The following GGA2 variants were observed in gnomAD, a reference collection of about 807,000 sequenced individuals.
GGA2 encodes the protein golgi associated, gamma adaptin ear containing, ARF binding protein 2.
GGA2 carries 48 observed loss-of-function variants against 79.5 expected under a neutral mutation model. That is an observed-to-expected ratio of 0.60 (90% CI 0.48 to 0.77). The LOEUF (loss-of-function observed/expected upper bound fraction) is 0.77. GGA2 is among the 30% of genes least tolerant of loss of function. GGA2 has a pLI of 0.00. For synonymous variants in GGA2, 317 were observed against 302.0 expected (o/e 1.05, Z -0.51); for missense variants, 770 against 774.0 (o/e 0.99, Z 0.06).
intron 1 of GGA2, among the ~76,000 whole-genome samples, chr16:23,497,682 C>A (rs1964873645): frequency 6.6e-6 from 1 of 152,322 alleles, no homozygotes; most frequent in African/African-American, 2.4e-5. Context: ...CTAAAGACTT[C>A]TCTGACCTTT....
intron 1 of GGA2, among the ~76,000 whole-genome samples, chr16:23,509,814 AAC>A (rs1430447792): frequency 2.0e-5 from 3 of 151,216 alleles, no homozygotes; most frequent in Non-Finnish European, 2.9e-5. Context: ...GGCCAAAGTA[AAC>A]ACAAAAGGTA....
chr16:23,486,866 G>C (rs915604597), intron 6 of GGA2, 76 bp from the exon 7 acceptor site: 3 of 848,270 alleles, frequency 3.5e-6, no homozygotes, highest in Non-Finnish European at 6.2e-6. Context: ...AGCAACAGAA[G>C]AGTTAACACT....
intron 3 of GGA2, chr16:23,493,925 T>C (rs968534768): frequency 3.3e-5 from 10 of 303,228 alleles, no homozygotes; most frequent in Admixed American, 9.2e-5. Context: ...CACTCAAACA[T>C]ATACAAAGAC....
At chr16:23,505,421 A>G (rs1964964292) in intron 1 of GGA2, among the ~76,000 whole-genome samples, 1 of 152,148 alleles carries the variant, frequency 6.6e-6, no homozygotes, top group Admixed American at 6.5e-5. Flanking sequence ...ACACCCATAC[A>G]ACGGGGCGTC....
chr16:23,496,403 C>T (rs898066800), intron 1 of GGA2, among the ~76,000 whole-genome samples: 2 of 151,940 alleles, frequency 1.3e-5, no homozygotes, highest in African/African-American at 4.8e-5. Flanking sequence ...GCTTCACACT[C>T]GAGTTGGGAT....
chr16:23,509,393 G>A (rs776489445), intron 1 of GGA2, among the ~76,000 whole-genome samples: 5 of 152,108 alleles, frequency 3.3e-5, no homozygotes, highest in Non-Finnish European at 5.9e-5. Flanking sequence ...ACGACCCCCA[G>A]GTAAACCAAC....
chr16:23,472,975 G>A (rs1212128678), intron 14 of GGA2, among the ~76,000 whole-genome samples: 2 of 146,910 alleles, frequency 1.4e-5, no homozygotes, highest in African/African-American at 5.0e-5. Context: ...GAAGCTTGCA[G>A]TGAGCCGAGA....
chr16:23,470,297 C>G, intron 14 of GGA2, 132 bp from the exon 15 acceptor site: 1 of 604,158 alleles, frequency 1.7e-6, no homozygotes, highest in South Asian at 2.7e-5. Context: ...GGACTGAATT[C>G]CTCTGCACTA....
chr16:23,524,282 C>A, upstream of GGA2: 1 of 1,123,184 alleles, frequency 8.9e-7, no homozygotes, highest in Non-Finnish European at 1.4e-6. Context: ...AACTTCCCGA[C>A]GGGCCCCAGG....
intron 15 of GGA2, 101 bp from the exon 16 acceptor site, chr16:23,469,097 G>A (rs1964479000): frequency 2.8e-6 from 2 of 725,592 alleles, no homozygotes; most frequent in Non-Finnish European, 2.5e-6. Flanking sequence ...ACCCCTCCAA[G>A]AGGAAATGGC....
upstream of GGA2, among the ~76,000 whole-genome samples, chr16:23,513,242 C>T (rs1213091484): frequency 6.7e-6 from 1 of 150,334 alleles, no homozygotes; most frequent in Non-Finnish European, 1.5e-5. Flanking sequence ...AACCATATCC[C>T]AGAGCATGGT....
intron 8 of GGA2, 89 bp downstream of exon 8, chr16:23,485,926 T>C (rs1964705838): frequency 8.3e-7 from 1 of 1,211,416 alleles, no homozygotes; most frequent in Non-Finnish European, 1.2e-6. Context: ...GTCTTGACTC[T>C]GAGATGGCTT....
chr16:23,491,956 C>T (rs1025796678), intron 4 of GGA2, among the ~76,000 whole-genome samples, 156 bp from the exon 5 acceptor site: 4 of 152,112 alleles, frequency 2.6e-5, no homozygotes, highest in African/African-American at 9.7e-5. Flanking sequence ...TGGCGCCCAG[C>T]CCCGGAGCCC....
chr16:23,464,172 C>T lies in GGA2; in HGVS notation c.*3418G>A, dbSNP rs148636821. 2.0e-5 allele frequency: 3 copies of T among 152,252 alleles called. No individual in the cohort carries two copies. In the East Asian group the frequency reaches 5.8e-4, roughly 29 times the overall value. The allele number at this position is 152,252 out of a possible 1,614,324, so 9.4% of individuals were successfully genotyped here. Reference sequence around the variant, plus strand: ...TAATATTCACTTTTCTTTTGGTTGTCATTTATTGTTTTCAACACTATCTTC... The same window carrying T: ...TAATATTCACTTTTCTTTTGGTTGTTATTTATTGTTTTCAACACTATCTTC... On this transcript the variant is annotated 3_prime_UTR_variant, in exon 17 of 17. Transcript: ENST00000309859.
At chr16:23,487,823 G>C (rs1964734305) in intron 6 of GGA2, among the ~76,000 whole-genome samples, 2 of 152,124 alleles carry the variant, frequency 1.3e-5, no homozygotes, top group South Asian at 2.1e-4. Flanking sequence ...CCCAAGGAGT[G>C]GGTACAGGGA....
chr16:23,521,706 G>C (rs1965144139), intron 1 of GGA2: 1 of 454,266 alleles, frequency 2.2e-6, no homozygotes, highest in Non-Finnish European at 4.4e-6. Flanking sequence ...ATTTCATTTA[G>C]CATGAAGTCC....
chr16:23,473,078 C>T (rs1964533475), intron 14 of GGA2, among the ~76,000 whole-genome samples: 1 of 148,298 alleles, frequency 6.7e-6, no homozygotes. Context: ...AGTACCTCTA[C>T]TTAATAGTGC....
Position 23,510,466 on chromosome 16 carries a change from G to C in GGA2, c.-55C>G. 1 of 627,504 alleles carries C rather than the reference G, an allele frequency of 1.6e-6. No individual in the cohort carries two copies. Among genetic ancestry groups the C allele is most frequent in the Non-Finnish European group, 2.4e-6 (1 of 425,200 alleles). 38.9% of individuals were successfully genotyped at this position (627,504 alleles called of 1,614,324 possible). A position where few individuals can be genotyped will look rare whatever the true frequency, so the allele number is the denominator to read the frequency against. ...CGCCACTGCCTCTTCAGCCGCTGTA[G>C]CGTCCTGGCGCTCTCCTCTGCTGAC... is the stretch of plus-strand genomic sequence containing the variant. On this transcript the variant is annotated 5_prime_UTR_variant, in exon 1 of 17. Coordinates refer to ENST00000309859, the MANE Select transcript of GGA2 (RefSeq NM_015044.4).
At position 23,465,153 on chromosome 16, in the gene GGA2, T is replaced by C. The variant is rs1305719470; in HGVS notation, c.*2437A>G. 4 of 595,704 alleles carry C rather than the reference T, an allele frequency of 6.7e-6. No individual in the cohort carries two copies. The highest frequency in any genetic ancestry group is 3.0e-5 in the Admixed American group (1 of 33,668). 36.9% of individuals were successfully genotyped at this position (595,704 alleles called of 1,614,324 possible). A position where few individuals can be genotyped will look rare whatever the true frequency, so the allele number is the denominator to read the frequency against. On this transcript the variant is annotated 3_prime_UTR_variant, in exon 17 of 17. Transcript: ENST00000309859. The stretch of plus-strand genomic sequence containing the variant: ...TGGCTCAGGGTAGCTGGTCAACAAC[T>C]AGCTTTTAAAAAAACAGAGACACGG...
Sources: gnomAD v4.1 joint callset for allele counts (sites outside exome capture counted in the v4.1 genomes callset) on GRCh38, gnomAD v4.1.1 for gene constraint, MANE v1.5 for transcripts, NCBI Gene and HGNC (gene_info 2026-07-23, HGNC 2026-07-21) for gene names.